Variants in LRRTM4 observed in about 807,000 individuals in gnomAD.
LRRTM4 encodes leucine-rich repeat transmembrane neuronal protein 4.
Under a neutral mutation model 47.6 loss-of-function variants are expected in LRRTM4, and 25 were observed. The ratio of observed to expected loss-of-function variants is 0.53; its 90% CI spans 0.38 to 0.73. LRRTM4 has a LOEUF of 0.73. Ranked by LOEUF, LRRTM4 falls within the 30% of genes least tolerant of loss-of-function variation. LRRTM4 has a pLI of 0.00. For synonymous variants in LRRTM4, 311 were observed against 269.5 expected (o/e 1.15, Z -1.51); for missense variants, 638 against 713.4 (o/e 0.89, Z 1.20).
intron 3 of LRRTM4, among the ~76,000 whole-genome samples, chr2:76,774,358 A>AT (rs35507321): frequency 0.12 from 18,914 of 151,698 alleles, 1,487 homozygotes; most frequent in Non-Finnish European, 0.18. Context: ...CTCCCAGATA[A>AT]TTTTTGTATT....
intron 3 of LRRTM4, among the ~76,000 whole-genome samples, chr2:76,930,745 T>C (rs1188073519): frequency 6.6e-6 from 1 of 152,194 alleles, no homozygotes; most frequent in East Asian, 1.9e-4. Flanking sequence ...AAGTCATGTG[T>C]CCTTCCTGAC....
intron 3 of LRRTM4, among the ~76,000 whole-genome samples, chr2:76,784,016 T>A (rs1674536207): frequency 6.6e-6 from 1 of 152,138 alleles, no homozygotes; most frequent in South Asian, 2.1e-4. Context: ...ATTTTCTATG[T>A]TTTATTGTGA....
intron 3 of LRRTM4, among the ~76,000 whole-genome samples, chr2:77,241,113 C>CAAAG (rs1573126027): frequency 6.6e-6 from 1 of 150,806 alleles, no homozygotes; most frequent in African/African-American, 2.4e-5. Flanking sequence ...TTTGAAAAAT[C>CAAAG]AAAGAACAAA....
At chr2:77,360,523 ATACGATACG>A (rs1306413198) in intron 3 of LRRTM4, among the ~76,000 whole-genome samples, 9 of 134,648 alleles carry the variant, frequency 6.7e-5, no homozygotes, top group East Asian at 2.1e-4. Context: ...ATACGATACG[ATACGATACG>A]ATACAATACA....
intron 3 of LRRTM4, among the ~76,000 whole-genome samples, chr2:77,168,867 A>T (rs1231754994): frequency 6.6e-6 from 1 of 152,188 alleles, no homozygotes; most frequent in Non-Finnish European, 1.5e-5. Context: ...TCTGCAAAAG[A>T]TAATACTCCA....
At chr2:77,026,133 C>T (rs1234957267) in intron 3 of LRRTM4, among the ~76,000 whole-genome samples, 3 of 152,014 alleles carry the variant, frequency 2.0e-5, no homozygotes, top group Non-Finnish European at 4.4e-5. Flanking sequence ...GAAACCAGAC[C>T]ACATTCTTTG....
chr2:76,857,001 A>G (rs573659578), intron 3 of LRRTM4, among the ~76,000 whole-genome samples: 2 of 152,142 alleles, frequency 1.3e-5, no homozygotes, highest in Middle Eastern at 3.4e-3. Context: ...TTCTCTCTTA[A>G]TGTTCTAGTA....
At chr2:77,386,928 T>C (rs919963300) in intron 3 of LRRTM4, among the ~76,000 whole-genome samples, 32 of 152,074 alleles carry the variant, frequency 2.1e-4, no homozygotes, top group African/African-American at 7.0e-4. Flanking sequence ...GTTCTGCAGA[T>C]GTATCCCAGA....
At chr2:77,155,012 C>A (rs989427168) in intron 3 of LRRTM4, among the ~76,000 whole-genome samples, 1 of 152,074 alleles carries the variant, frequency 6.6e-6, no homozygotes, top group Non-Finnish European at 1.5e-5. Context: ...TAGTATAAAT[C>A]CACATAATAG....
chr2:77,308,552 A>G (rs531158664), intron 3 of LRRTM4, among the ~76,000 whole-genome samples: 1 of 152,216 alleles, frequency 6.6e-6, no homozygotes, highest in African/African-American at 2.4e-5. Context: ...TTTAAATAAC[A>G]TATATAAGCC....
At chr2:77,018,128 A>AT (rs1169212844) in intron 3 of LRRTM4, among the ~76,000 whole-genome samples, 8 of 151,898 alleles carry the variant, frequency 5.3e-5, no homozygotes, top group Non-Finnish European at 1.2e-4. Flanking sequence ...ATGTTTTTGA[A>AT]ATCTAGTTTC....
chr2:77,065,117 A>G (rs188730396), intron 3 of LRRTM4, among the ~76,000 whole-genome samples: 18 of 152,336 alleles, frequency 1.2e-4, no homozygotes, highest in African/African-American at 4.1e-4. Flanking sequence ...ATGATGGGCA[A>G]TTCATAAGCA....
At chr2:77,266,383 T>G (rs1676050526) in intron 3 of LRRTM4, among the ~76,000 whole-genome samples, 1 of 151,898 alleles carries the variant, frequency 6.6e-6, no homozygotes, top group African/African-American at 2.4e-5. Context: ...GTGGAAAAAA[T>G]GCATGAGATC....
At chr2:77,055,031 G>C (rs1679556332) in intron 3 of LRRTM4, among the ~76,000 whole-genome samples, 1 of 152,180 alleles carries the variant, frequency 6.6e-6, no homozygotes, top group Non-Finnish European at 1.5e-5. Flanking sequence ...GCTGAGCCAA[G>C]AGCAGGGGGA....
chr2:76,877,166 C>G (rs530827253), intron 3 of LRRTM4, among the ~76,000 whole-genome samples: 1 of 152,062 alleles, frequency 6.6e-6, no homozygotes, highest in Non-Finnish European at 1.5e-5. Flanking sequence ...TCTGTCTGCT[C>G]TGTTTCTTCA....
At chr2:76,956,268 G>T (rs1418388750) in intron 3 of LRRTM4, among the ~76,000 whole-genome samples, 1 of 151,264 alleles carries the variant, frequency 6.6e-6, no homozygotes, top group African/African-American at 2.4e-5. Context: ...ACAGTGGAAG[G>T]AAACTAGAAA....
intron 3 of LRRTM4, among the ~76,000 whole-genome samples, chr2:77,252,679 G>A (rs995778231): frequency 6.6e-6 from 1 of 152,120 alleles, no homozygotes; most frequent in Non-Finnish European, 1.5e-5. Context: ...AAGGAGAAAA[G>A]CATCACTGTC....
intron 3 of LRRTM4, among the ~76,000 whole-genome samples, chr2:77,054,726 G>A (rs1326225914): frequency 3.3e-5 from 5 of 152,188 alleles, no homozygotes; most frequent in African/African-American, 9.7e-5. Flanking sequence ...GTTTATAAAA[G>A]TAGGAATGGT....
intron 3 of LRRTM4, among the ~76,000 whole-genome samples, chr2:77,286,983 C>T (rs988419939): frequency 1.3e-5 from 2 of 151,968 alleles, no homozygotes; most frequent in African/African-American, 2.4e-5. Context: ...AGTACAATTG[C>T]TTTTTTCTTG....
Sources: allele counts gnomAD v4.1 joint callset (sites outside exome capture counted in the v4.1 genomes callset), GRCh38; gene constraint gnomAD v4.1.1; transcripts MANE v1.5; gene names NCBI Gene and HGNC (gene_info 2026-07-23, HGNC 2026-07-21).